The following PDE9A variants were observed in gnomAD, a reference collection of about 807,000 sequenced individuals.
PDE9A encodes high affinity cGMP-specific 3',5'-cyclic phosphodiesterase 9A.
PDE9A carries 60 observed loss-of-function variants against 87.4 expected under a neutral mutation model. The ratio of observed to expected loss-of-function variants is 0.69; its 90% CI spans 0.56 to 0.85. The LOEUF is 0.85. Ranked by LOEUF, PDE9A falls within the 40% of genes least tolerant of loss-of-function variation. The pLI is 0.00. For synonymous variants in PDE9A, 272 were observed against 279.4 expected (o/e 0.97, Z 0.27); for missense variants, 665 against 779.0 (o/e 0.85, Z 1.74).
chr21:42,707,154 A>AT (rs1003798168), intron 4 of PDE9A, among the ~76,000 whole-genome samples: 8 of 152,234 alleles, frequency 5.3e-5, no homozygotes, highest in Non-Finnish European at 1.2e-4. Flanking sequence ...TTTGAGGTAC[A>AT]TTGGATTAAA....
Position 42,756,340 on chromosome 21 carries a change from C to A in PDE9A, c.810+2276C>A, listed in dbSNP as rs148574071. ...ACTAAAGGGACACACATGAAAACAG[C>A]CCACTCGGCCCCACAAAACTGCATC... On this transcript the variant is annotated intron_variant, in intron 10 of 19. Coordinates refer to ENST00000291539, the MANE Select transcript of PDE9A (RefSeq NM_002606.3). Among the ~76,000 whole-genome samples the A allele has an allele frequency of 3.0e-3, 463 of 152,338 alleles. 4 individuals are homozygous for A. Among genetic ancestry groups the A allele is most frequent in the Middle Eastern group, 0.014 (4 of 294 alleles).
At chr21:42,758,599 T>C (rs573760534) in intron 10 of PDE9A, 1 of 198,588 alleles carries the variant, frequency 5.0e-6, no homozygotes, top group Non-Finnish European at 1.0e-5. Flanking sequence ...TCAGCTGTGA[T>C]ATTGATCCGC....
At chr21:42,763,190 A>G (rs2056003847) in intron 14 of PDE9A, among the ~76,000 whole-genome samples, 1 of 152,196 alleles carries the variant, frequency 6.6e-6, no homozygotes. Context: ...AGGGGAGGGA[A>G]GCTCTCGGAG....
chr21:42,733,276 A>AG lies in PDE9A; in HGVS notation c.498-79dup, dbSNP rs1379650840. 14 of 806,844 alleles carry AG rather than the reference A, an allele frequency of 1.7e-5. No individual in the cohort carries two copies. The Admixed American group carries it at 2.7e-4, about 15-fold the overall frequency. The allele number at this position is 806,844 out of a possible 1,614,324, so 50.0% of individuals were successfully genotyped here. ...TTGCCCATGCCCACAGCAGGGACTCAGTAGGTGTTTGCTTAACCGGTTTTG... is the reference window on the plus strand; with the variant it reads ...TTGCCCATGCCCACAGCAGGGACTCAGGTAGGTGTTTGCTTAACCGGTTTTG... On this transcript the variant is annotated intron_variant, in intron 6 of 19. Coordinates refer to ENST00000291539, the MANE Select transcript of PDE9A (RefSeq NM_002606.3).
chr21:42,722,827 C>T lies in PDE9A; in HGVS notation c.263-8943C>T, dbSNP rs184322057. ...TTTAGAATCAGAATTATGGGTCAGG[C>T]TGTGCTAGCAATCAGTGAAATCAAA... is the stretch of plus-strand genomic sequence containing the variant. On this transcript the variant is annotated intron_variant, in intron 4 of 19. Transcript: ENST00000291539. The surrounding 1 kb of genome is among the most constrained non-coding windows in gnomAD (Gnocchi z 4.1). Among the ~76,000 whole-genome samples, 1 of 152,350 alleles carries T rather than the reference C, an allele frequency of 6.6e-6. No homozygotes were observed. Among genetic ancestry groups the T allele is most frequent in the African/African-American group, 2.4e-5 (1 of 41,570 alleles).
At chr21:42,656,276 C>T (rs530427421) in intron 1 of PDE9A, among the ~76,000 whole-genome samples, 19 of 152,324 alleles carry the variant, frequency 1.2e-4, no homozygotes, top group African/African-American at 4.1e-4. Flanking sequence ...TTCGTCGGCA[C>T]CACCTGGCCA....
chr21:42,656,733 G>A (rs1439772242), intron 1 of PDE9A, among the ~76,000 whole-genome samples: 1 of 152,182 alleles, frequency 6.6e-6, no homozygotes, highest in Non-Finnish European at 1.5e-5. Context: ...AGGTTGTGCA[G>A]AGGAAGCTGG....
rs570959249 is a variant in PDE9A at position 42,696,370 on chromosome 21, C to A, written c.219-2598C>A. ...CTGCGCCTGGTCACTACCCGCCCCCCACCTCCAGCATTAATTTTCTAGGGA... is the reference window on the plus strand; with the variant it reads ...CTGCGCCTGGTCACTACCCGCCCCCAACCTCCAGCATTAATTTTCTAGGGA... On this transcript the variant is annotated intron_variant, in intron 3 of 19. Coordinates refer to ENST00000291539, the MANE Select transcript of PDE9A (RefSeq NM_002606.3). The surrounding 1 kb of genome is among the most constrained non-coding windows in gnomAD (Gnocchi z 5.1). Among the ~76,000 whole-genome samples, 1 of 152,220 alleles carries A rather than the reference C, an allele frequency of 6.6e-6. No individual in the cohort carries two copies. The highest frequency in any genetic ancestry group is 6.5e-5 in the Admixed American group (1 of 15,284).
chr21:42,727,501 T>A (rs57202706), intron 4 of PDE9A, among the ~76,000 whole-genome samples: 1 of 125,346 alleles, frequency 8.0e-6, no homozygotes, highest in East Asian at 3.1e-4. Flanking sequence ...TTTTTTTTTT[T>A]TTTTTTTTTT....
intron 7 of PDE9A, among the ~76,000 whole-genome samples, chr21:42,737,293 A>G (rs1285001875): frequency 2.6e-5 from 4 of 152,228 alleles, no homozygotes; most frequent in African/African-American, 9.6e-5. Flanking sequence ...ACATATACAC[A>G]TGTGAAATCA....
rs905218431 is a variant in PDE9A at position 42,659,851 on chromosome 21, T to C, written c.69+5968T>C. Among the ~76,000 whole-genome samples, 2 of 152,240 alleles carry C rather than the reference T, an allele frequency of 1.3e-5. No homozygotes were observed. Among genetic ancestry groups the C allele is most frequent in the Non-Finnish European group, 2.9e-5 (2 of 68,038 alleles). On this transcript the variant is annotated intron_variant, in intron 1 of 19. Transcript: ENST00000291539. The surrounding 1 kb of genome is among the most constrained non-coding windows in gnomAD (Gnocchi z 4.1). ...CTCAGAAATGGGCAAAAGACAGCTC[T>C]CGTTGTCAGCGAGGTAAATCTAGCG...
At chr21:42,682,648 G>A (rs1444849309) in intron 1 of PDE9A, among the ~76,000 whole-genome samples, 2 of 152,186 alleles carry the variant, frequency 1.3e-5, no homozygotes, top group Non-Finnish European at 2.9e-5. Flanking sequence ...AGGCCCCCAC[G>A]ATATTCCAAA....
chr21:42,738,779 G>A (rs949451826), intron 7 of PDE9A, among the ~76,000 whole-genome samples: 3 of 152,134 alleles, frequency 2.0e-5, no homozygotes, highest in South Asian at 2.1e-4. Context: ...TCCACCTCCC[G>A]GGTTCAAGTG....
chr21:42,733,041 A>C (rs1485266372), intron 6 of PDE9A, among the ~76,000 whole-genome samples: 1 of 152,252 alleles, frequency 6.6e-6, no homozygotes, highest in African/African-American at 2.4e-5. Context: ...GGACCATCTC[A>C]ACTGCATGAG....
intron 4 of PDE9A, among the ~76,000 whole-genome samples, chr21:42,709,101 A>C (rs1602186482): frequency 6.6e-6 from 1 of 152,232 alleles, no homozygotes; most frequent in East Asian, 1.9e-4. Context: ...GTACATATAC[A>C]CCATGGAATA....
chr21:42,658,067 G>A (rs999243688), intron 1 of PDE9A, among the ~76,000 whole-genome samples: 9 of 152,194 alleles, frequency 5.9e-5, no homozygotes, highest in African/African-American at 1.9e-4. Flanking sequence ...CCACACCTAC[G>A]CTTGCCTCCA....
chr21:42,696,651 C>T lies in PDE9A; in HGVS notation c.219-2317C>T, dbSNP rs1464730175. On this transcript the variant is annotated intron_variant, in intron 3 of 19. Coordinates refer to ENST00000291539, the MANE Select transcript of PDE9A (RefSeq NM_002606.3). The surrounding 1 kb of genome is among the most constrained non-coding windows in gnomAD (Gnocchi z 5.1). ...CACACCCGGCTTCTCTGCTGCCCAC[C>T]CTCCACTCTGTCCTCCCAGCCCAGG... Among the ~76,000 whole-genome samples the T allele has an allele frequency of 1.3e-5, 2 of 152,212 alleles. No homozygotes were observed. Among genetic ancestry groups the T allele is most frequent in the Non-Finnish European group, 2.9e-5 (2 of 68,028 alleles).
intron 4 of PDE9A, among the ~76,000 whole-genome samples, chr21:42,706,847 C>T (rs1184877361): frequency 6.6e-6 from 1 of 152,060 alleles, no homozygotes; most frequent in Non-Finnish European, 1.5e-5. Context: ...TTTCACATAA[C>T]AGAATCCGTG....
intron 3 of PDE9A, among the ~76,000 whole-genome samples, chr21:42,697,098 G>A (rs1374578941): frequency 6.6e-6 from 1 of 152,062 alleles, no homozygotes; most frequent in East Asian, 1.9e-4. Context: ...TTCTGTGTGA[G>A]TGAGGTCATT....
Sources: allele counts gnomAD v4.1 joint callset (sites outside exome capture counted in the v4.1 genomes callset), GRCh38; gene constraint gnomAD v4.1.1; non-coding constraint Gnocchi (gnomAD v3.1); transcripts MANE v1.5; gene names NCBI Gene and HGNC (gene_info 2026-07-23, HGNC 2026-07-21).